The following FSTL1 variants were observed in gnomAD, a reference collection of about 807,000 sequenced individuals.
FSTL1 encodes the protein follistatin-related protein 1.
A neutral mutation model predicts 45.9 loss-of-function variants in FSTL1; 24 were observed. The observed-to-expected ratio is 0.52, with a 90% CI of 0.38 to 0.74. The LOEUF (loss-of-function observed/expected upper bound fraction) is 0.74. FSTL1 is among the 30% of genes least tolerant of loss of function. The pLI, the probability that FSTL1 is intolerant of heterozygous loss-of-function variation, is 0.00. For missense variants in FSTL1, 340 were observed against 381.8 expected (o/e 0.89, Z 0.91); for synonymous variants, 120 against 137.6 (o/e 0.87, Z 0.89).
rs148163961 is a variant in FSTL1, at chr3:120,435,073, G to A, written c.63+15611C>T. 1.4e-3 allele frequency among the ~76,000 whole-genome samples: 217 copies of A among 152,156 alleles called. 1 individual carries two copies. Among genetic ancestry groups the A allele is most frequent in the African/African-American group, 4.9e-3 (204 of 41,510 alleles). Reference sequence around the variant, plus strand: ...ATCTCTACCAAAAATACAAAAATTAGCCGGGCGTGGTTGCAGGCACCTGTA... The same window carrying A: ...ATCTCTACCAAAAATACAAAAATTAACCGGGCGTGGTTGCAGGCACCTGTA... On this transcript the variant is annotated intron_variant, in intron 2 of 10. Transcript: ENST00000295633.
intron 2 of FSTL1, among the ~76,000 whole-genome samples, chr3:120,449,047 T>C (rs1286160932): frequency 6.6e-6 from 1 of 152,178 alleles, no homozygotes; most frequent in Non-Finnish European, 1.5e-5. Context: ...AAATGTTTCT[T>C]AACCAGGGCT....
At chr3:120,409,050 TC>T (rs1937000597) in intron 6 of FSTL1, among the ~76,000 whole-genome samples, 1 of 152,214 alleles carries the variant, frequency 6.6e-6, no homozygotes, top group African/African-American at 2.4e-5. Context: ...AGGAACAATC[TC>T]TGGACCCATG....
At chr3:120,418,164 T>C (rs1315089535) in intron 2 of FSTL1, among the ~76,000 whole-genome samples, 1 of 152,244 alleles carries the variant, frequency 6.6e-6, no homozygotes, top group African/African-American at 2.4e-5. Flanking sequence ...TTTTGAGTTA[T>C]AACAACTAAT....
Position 120,435,916 on chromosome 3 carries a change from G to A in FSTL1, c.63+14768C>T, listed in dbSNP as rs143119696. On this transcript the variant is annotated intron_variant, in intron 2 of 10. Transcript: ENST00000295633. ...GAGCAACTTAAACAGGAAATGAAGA[G>A]ACTTCTATTTGATCAAATGTGTATG... Among the ~76,000 whole-genome samples, 216 of 152,274 alleles carry A rather than the reference G, an allele frequency of 1.4e-3. 1 individual carries two copies. The highest frequency in any genetic ancestry group is 5.0e-3 in the African/African-American group (206 of 41,546).
chr3:120,432,123 A>G (rs1937488188), intron 2 of FSTL1, among the ~76,000 whole-genome samples: 1 of 152,224 alleles, frequency 6.6e-6, no homozygotes, highest in African/African-American at 2.4e-5. Flanking sequence ...ATACAAATCC[A>G]TGGACAAATT....
rs190956752 is a variant in FSTL1, at chr3:120,432,733, T to A, written c.64-16706A>T. On this transcript the variant is annotated intron_variant, in intron 2 of 10. Coordinates refer to ENST00000295633, the MANE Select transcript of FSTL1 (RefSeq NM_007085.5). ...CATATTTAACTGTTTGGGGTCACCC[T>A]GAGGAACTCCCAACTCCACTGAAAA... 1.3e-3 allele frequency among the ~76,000 whole-genome samples: 191 copies of A among 152,356 alleles called. 1 individual carries two copies. The highest frequency in any genetic ancestry group is 4.5e-3 in the African/African-American group (189 of 41,590).
chr3:120,400,238 A>C (rs1560010283), intron 9 of FSTL1: 1 of 450,512 alleles, frequency 2.2e-6, no homozygotes, highest in East Asian at 3.7e-5. Context: ...CCTACAAAAA[A>C]AGTTATGGTG....
chr3:120,399,514 T>G (rs1936773154), intron 10 of FSTL1, among the ~76,000 whole-genome samples: 1 of 152,198 alleles, frequency 6.6e-6, no homozygotes, highest in African/African-American at 2.4e-5. Flanking sequence ...TTACAGAGCC[T>G]GCTTTCAGGA....
At chr3:120,418,653 G>A (rs1313068258) in intron 2 of FSTL1, among the ~76,000 whole-genome samples, 1 of 152,202 alleles carries the variant, frequency 6.6e-6, no homozygotes, top group Non-Finnish European at 1.5e-5. Flanking sequence ...TGCGTTAAGA[G>A]TGCGTCAGAG....
At position 120,397,748 on chromosome 3, in the gene FSTL1, T is replaced by G. The variant is rs2107647796; in HGVS notation, c.883-752A>C. Among the ~76,000 whole-genome samples, 2 of 152,354 alleles carry G rather than the reference T, an allele frequency of 1.3e-5. 1 individual carries two copies. Among genetic ancestry groups the G allele is most frequent in the South Asian group, 4.1e-4 (2 of 4,830 alleles). On this transcript the variant is annotated intron_variant, in intron 10 of 10. Transcript: ENST00000295633. ...TCACCGTATGACCCAGCAATTCCAC[T>G]TCTAGGTAAATACCCAAGAGAGCTG...
At position 120,442,972 on chromosome 3, in the gene FSTL1, T is replaced by A. The variant is rs1379518927; in HGVS notation, c.63+7712A>T. ...GTGGGGGGAGGGGGGAGGGATAGCA[T>A]TGGGAGATACACCTAAGGCTAGATG... On this transcript the variant is annotated intron_variant, in intron 2 of 10. Coordinates refer to ENST00000295633, the MANE Select transcript of FSTL1 (RefSeq NM_007085.5). Among the ~76,000 whole-genome samples, 35 of 136,608 alleles carry A rather than the reference T, an allele frequency of 2.6e-4. 2 individuals are homozygous for A. Among genetic ancestry groups the A allele is most frequent in the African/African-American group, 8.8e-4 (29 of 32,962 alleles). 89.6% of individuals were successfully genotyped at this position (136,608 alleles called of 152,430 possible). A position where few individuals can be genotyped will look rare whatever the true frequency, so the allele number is the denominator to read the frequency against.
At chr3:120,398,168 T>C (rs182504772) in intron 10 of FSTL1, among the ~76,000 whole-genome samples, 263 of 152,312 alleles carry the variant, frequency 1.7e-3, no homozygotes, top group African/African-American at 5.8e-3. Context: ...GGAATTAAGA[T>C]AGTAGTGAGA....
chr3:120,401,872 G>C (rs1051279229), intron 9 of FSTL1, among the ~76,000 whole-genome samples: 3 of 152,228 alleles, frequency 2.0e-5, no homozygotes, highest in African/African-American at 7.2e-5. Context: ...GCGCCTGGCT[G>C]ATATAACTTT....
intron 2 of FSTL1, among the ~76,000 whole-genome samples, chr3:120,428,425 C>T (rs1937420912): frequency 6.6e-6 from 1 of 152,104 alleles, no homozygotes; most frequent in African/African-American, 2.4e-5. Context: ...AAAGTAGCAC[C>T]AGTCTCCACT....
intron 6 of FSTL1, among the ~76,000 whole-genome samples, chr3:120,408,727 T>G (rs1003747121): frequency 6.6e-6 from 1 of 152,088 alleles, no homozygotes; most frequent in Non-Finnish European, 1.5e-5. Context: ...AGTCTCTGTA[T>G]GTGGTGTGTG....
intron 2 of FSTL1, among the ~76,000 whole-genome samples, chr3:120,436,230 T>C (rs944763681): frequency 6.6e-6 from 1 of 152,216 alleles, no homozygotes; most frequent in African/African-American, 2.4e-5. Context: ...AACTATCCTT[T>C]AAAACAACAT....
At chr3:120,431,008 A>G (rs759554466) in intron 2 of FSTL1, among the ~76,000 whole-genome samples, 7 of 152,176 alleles carry the variant, frequency 4.6e-5, no homozygotes, top group African/African-American at 1.7e-4. Flanking sequence ...GTCTCAATCT[A>G]TTGCCCATGC....
intron 2 of FSTL1, among the ~76,000 whole-genome samples, chr3:120,422,772 G>C (rs1383632768): frequency 2.6e-5 from 4 of 151,638 alleles, no homozygotes. Flanking sequence ...TCAGCTCACT[G>C]TAACTTCCAC....
chr3:120,437,847 T>A lies in FSTL1; in HGVS notation c.63+12837A>T, dbSNP rs117363872. On this transcript the variant is annotated intron_variant, in intron 2 of 10. Coordinates refer to ENST00000295633, the MANE Select transcript of FSTL1 (RefSeq NM_007085.5). ...CAAGCATTTCAGCAGGACTAAAACATCTGCATTGGCCTCTGTTTCCTTACT... is the reference window on the plus strand; with the variant it reads ...CAAGCATTTCAGCAGGACTAAAACAACTGCATTGGCCTCTGTTTCCTTACT... Among the ~76,000 whole-genome samples the A allele has an allele frequency of 4.0e-4, 61 of 152,302 alleles. No individual in the cohort carries two copies. In the East Asian group the frequency reaches 0.011, roughly 27 times the overall value.
Sources: gnomAD v4.1 joint callset for allele counts (sites outside exome capture counted in the v4.1 genomes callset) on GRCh38, gnomAD v4.1.1 for gene constraint, MANE v1.5 for transcripts, NCBI Gene and HGNC (gene_info 2026-07-23, HGNC 2026-07-21) for gene names.